The following EYA1 variants were observed in gnomAD, a reference collection of about 807,000 sequenced individuals.
The protein encoded by EYA1 is protein phosphatase EYA1.
A neutral mutation model predicts 82.0 loss-of-function variants in EYA1; 16 were observed. The observed-to-expected ratio is 0.20, with a 90% CI of 0.13 to 0.30. EYA1 has a LOEUF of 0.30. Ranked by LOEUF, EYA1 falls within the 10% of genes least tolerant of loss-of-function variation. The pLI, the probability that EYA1 is intolerant of heterozygous loss-of-function variation, is 1.00. For missense variants in EYA1, 633 were observed against 730.7 expected (o/e 0.87, Z 1.54); for synonymous variants, 261 against 264.4 (o/e 0.99, Z 0.12).
chr8:71,442,241 T>G (rs1258571729), intron 2 of EYA1, among the ~76,000 whole-genome samples: 1 of 152,246 alleles, frequency 6.6e-6, no homozygotes, highest in African/African-American at 2.4e-5. Flanking sequence ...TCTCTTTTAA[T>G]TCTTCCAATA....
At chr8:71,273,181 T>C (rs554037017) in intron 9 of EYA1, among the ~76,000 whole-genome samples, 1 of 152,314 alleles carries the variant, frequency 6.6e-6, no homozygotes, top group East Asian at 1.9e-4. Flanking sequence ...CTATTACTTA[T>C]AGAAAACAAG....
intron 9 of EYA1, among the ~76,000 whole-genome samples, chr8:71,297,170 T>A (rs989787571): frequency 1.3e-5 from 2 of 152,180 alleles, no homozygotes; most frequent in African/African-American, 4.8e-5. Flanking sequence ...ACTTTTACAA[T>A]ACAAGCTAAA....
At chr8:71,214,658 A>C (rs1808951983) in intron 16 of EYA1, among the ~76,000 whole-genome samples, 1 of 152,184 alleles carries the variant, frequency 6.6e-6, no homozygotes, top group African/African-American at 2.4e-5. Context: ...TCTGGACTTT[A>C]GTTTCCTCAT....
At chr8:71,393,069 T>C (rs1829369444) in intron 2 of EYA1, among the ~76,000 whole-genome samples, 1 of 152,140 alleles carries the variant, frequency 6.6e-6, no homozygotes, top group Non-Finnish European at 1.5e-5. Context: ...AAAATGCCTA[T>C]CAAAAGCTAA....
intron 3 of EYA1, among the ~76,000 whole-genome samples, chr8:71,346,120 T>C (rs576291363): frequency 1.3e-5 from 2 of 152,126 alleles, no homozygotes; most frequent in East Asian, 3.9e-4. Context: ...CTCAATATTC[T>C]CCTACCTCTT....
chr8:71,353,974 A>G (rs1191375344), intron 3 of EYA1, among the ~76,000 whole-genome samples: 1 of 152,214 alleles, frequency 6.6e-6, no homozygotes, highest in African/African-American at 2.4e-5. Flanking sequence ...AGAAATAAAT[A>G]TAATGCAATA....
At chr8:71,327,997 A>T (rs1044891544) in intron 4 of EYA1, among the ~76,000 whole-genome samples, 1 of 151,752 alleles carries the variant, frequency 6.6e-6, no homozygotes, top group African/African-American at 2.4e-5. Flanking sequence ...CTGGGATTAC[A>T]GGTGCCCGCC....
chr8:71,287,980 C>G (rs1403118046), intron 9 of EYA1, among the ~76,000 whole-genome samples: 1 of 152,148 alleles, frequency 6.6e-6, no homozygotes, highest in African/African-American at 2.4e-5. Flanking sequence ...AGCTAAGTGG[C>G]CTTCCCAAGT....
rs1457532578 is a variant in EYA1, at chr8:71,211,173, C to T, written c.1681G>A (p.Glu561Lys). ...ATGCTCACCTTTTTTGCTCCTTGTT[C>T]TTCTTCTACACCATCTCCTATAACA... ...YVVIGDGVEE[E>K]QGAKKHAMPF... is the part of the protein sequence containing the mutation. The change falls in exon 17 of 18, where the codon GAA becomes AAA. Residue 561 changes from glutamate to lysine, a missense_variant. Physicochemically the swap from Glu to Lys is moderately conservative, Grantham distance 56. Coordinates refer to ENST00000340726, the MANE Select transcript of EYA1 (RefSeq NM_000503.6). The T allele has an allele frequency of 3.7e-6, 6 of 1,611,970 alleles. No individual in the cohort carries two copies. The highest frequency in any genetic ancestry group is 5.1e-6 in the Non-Finnish European group (6 of 1,178,112).
At chr8:71,385,900 T>C (rs1184425966) in intron 2 of EYA1, among the ~76,000 whole-genome samples, 1 of 152,166 alleles carries the variant, frequency 6.6e-6, no homozygotes, top group African/African-American at 2.4e-5. Flanking sequence ...TTCAAAGCCA[T>C]GAGTGGTGTG....
chr8:71,223,523 G>C (rs1199006914), intron 12 of EYA1, among the ~76,000 whole-genome samples: 1 of 152,198 alleles, frequency 6.6e-6, no homozygotes, highest in African/African-American at 2.4e-5. Context: ...CACATGGGTG[G>C]CTGGGGAAAC....
chr8:71,277,115 A>ATGCTTTTTTTTTTTTTTT (rs1563383057), intron 9 of EYA1, among the ~76,000 whole-genome samples: 2 of 76,940 alleles, frequency 2.6e-5, no homozygotes, highest in Non-Finnish European at 4.6e-5. Flanking sequence ...GGCTTCACAC[A>ATGCTTTTTTTTTTTTTTT]TTTTTTTTTT....
chr8:71,256,646 C>T (rs1814457420), intron 11 of EYA1, among the ~76,000 whole-genome samples: 1 of 152,106 alleles, frequency 6.6e-6, no homozygotes. Flanking sequence ...CTTAAAACTA[C>T]TGAACTGTAT....
At chr8:71,490,479 AT>A (rs1228905125) in intron 2 of EYA1, among the ~76,000 whole-genome samples, 1 of 152,242 alleles carries the variant, frequency 6.6e-6, no homozygotes, top group African/African-American at 2.4e-5. Flanking sequence ...TTTTAATAAA[AT>A]AAGTAGAAAA....
intron 2 of EYA1, among the ~76,000 whole-genome samples, chr8:71,371,952 T>C (rs1460273660): frequency 2.0e-5 from 3 of 151,496 alleles, no homozygotes; most frequent in Non-Finnish European, 4.4e-5. Flanking sequence ...GTATAGAAAA[T>C]ATAAGAAAAT....
At chr8:71,383,449 C>A (rs1307249955) in intron 2 of EYA1, among the ~76,000 whole-genome samples, 1 of 152,016 alleles carries the variant, frequency 6.6e-6, no homozygotes. Flanking sequence ...TAAAAATTAA[C>A]AGCTTACATT....
chr8:71,322,368 TG>T, intron 4 of EYA1, 100 bp from the exon 5 acceptor site: 2 of 1,035,012 alleles, frequency 1.9e-6, no homozygotes, highest in Non-Finnish European at 3.0e-6. Flanking sequence ...GTTGGCCATA[TG>T]AAATTTCAGA....
intron 7 of EYA1, among the ~76,000 whole-genome samples, chr8:71,301,117 A>G (rs553136312): frequency 1.3e-5 from 2 of 152,316 alleles, no homozygotes; most frequent in East Asian, 3.9e-4. Context: ...AATCTCTTCA[A>G]TGTGAACTCA....
At chr8:71,519,529 G>A (rs530003558) in intron 2 of EYA1, among the ~76,000 whole-genome samples, 142 of 152,108 alleles carry the variant, frequency 9.3e-4, no homozygotes, top group African/African-American at 3.3e-3. Flanking sequence ...GATTTTGCCA[G>A]CAATCTAGGC....
Sources: allele counts gnomAD v4.1 joint callset (sites outside exome capture counted in the v4.1 genomes callset), GRCh38; gene constraint gnomAD v4.1.1; transcripts MANE v1.5; gene names NCBI Gene and HGNC (gene_info 2026-07-23, HGNC 2026-07-21).